The following NTNG1 variants were observed in gnomAD, a reference collection of about 807,000 sequenced individuals.
NTNG1 encodes the protein netrin G1.
In NTNG1, 16 loss-of-function variants were observed where a neutral mutation model predicts 54.0. The ratio of observed to expected loss-of-function variants is 0.30; its 90% CI spans 0.20 to 0.45. NTNG1 has a LOEUF of 0.45. NTNG1 is among the 20% of genes least tolerant of loss of function. The probability of loss-of-function intolerance (pLI) is 1.00; values close to 1 mark genes in which losing one functional copy is unlikely to be tolerated. For synonymous variants in NTNG1, 255 were observed against 263.1 expected, an observed-to-expected ratio of 0.97 and a Z score of 0.30; for missense variants, 530 against 678.7, an observed-to-expected ratio of 0.78 and a Z score of 2.43.
intron 3 of NTNG1, among the ~76,000 whole-genome samples, chr1:107,348,230 A>G (rs188744755): frequency 6.6e-6 from 1 of 152,096 alleles, no homozygotes; most frequent in East Asian, 1.9e-4. Context: ...GGTTCAAGCA[A>G]TTATTCTGCC....
intron 3 of NTNG1, among the ~76,000 whole-genome samples, chr1:107,386,103 ATATACACATATATATACT>A (rs1671957638): frequency 1.4e-5 from 2 of 147,076 alleles, no homozygotes; most frequent in African/African-American, 4.9e-5. Flanking sequence ...ATGTATATAT[ATATACACATATATATACT>A]TATATGTATG....
intron 1 of NTNG1, 68 bp from the exon 2 acceptor site, chr1:107,148,001 A>C (rs1197368314): frequency 1.3e-5 from 2 of 152,596 alleles, no homozygotes; most frequent in African/African-American, 4.8e-5. Flanking sequence ...CCAAAATGTC[A>C]ACATATTGTA....
rs113772618 is a variant in NTNG1 at position 107,234,657 on chromosome 1, C to A, written c.246+85818C>A. ...TGATACAGCCAAAAAATTACAGAAG[C>A]AATATTTGAATTTCTCTTCTTCCCA... On this transcript the variant is annotated intron_variant, in intron 2 of 7. Transcript: ENST00000370068. Among the ~76,000 whole-genome samples, 1,198 of 152,248 alleles carry A rather than the reference C, an allele frequency of 7.9e-3. 17 individuals carry two copies. The highest frequency in any genetic ancestry group is 0.027 in the African/African-American group (1,134 of 41,528).
At chr1:107,166,857 T>C (rs1655833646) in intron 2 of NTNG1, among the ~76,000 whole-genome samples, 1 of 152,166 alleles carries the variant, frequency 6.6e-6, no homozygotes, top group African/African-American at 2.4e-5. Context: ...ATACAATATC[T>C]ACATAACAGT....
intron 2 of NTNG1, among the ~76,000 whole-genome samples, chr1:107,153,489 A>G (rs1310853592): frequency 6.6e-6 from 1 of 152,174 alleles, no homozygotes. Flanking sequence ...TTATCCCTTA[A>G]TTATGCCAAA....
chr1:107,376,340 G>A (rs766816453), intron 3 of NTNG1, among the ~76,000 whole-genome samples: 11 of 151,882 alleles, frequency 7.2e-5, no homozygotes, highest in South Asian at 2.1e-4. Context: ...CCCGGGAGGC[G>A]GAGCTTACAG....
At chr1:107,153,511 A>G (rs917742380) in intron 2 of NTNG1, among the ~76,000 whole-genome samples, 2 of 152,214 alleles carry the variant, frequency 1.3e-5, no homozygotes, top group Non-Finnish European at 2.9e-5. Context: ...TGGAATTTTT[A>G]AAAACCTTCA....
chr1:107,263,941 A>G (rs1663550771), intron 2 of NTNG1, among the ~76,000 whole-genome samples: 1 of 152,038 alleles, frequency 6.6e-6, no homozygotes. Flanking sequence ...TCCTATCTTT[A>G]AAAAAAATGT....
At chr1:107,176,335 T>C (rs912139026) in intron 2 of NTNG1, among the ~76,000 whole-genome samples, 15 of 152,162 alleles carry the variant, frequency 9.9e-5, no homozygotes, top group Non-Finnish European at 1.9e-4. Flanking sequence ...AATAAAAATA[T>C]GCATTTTCAT....
rs1678744128 is a variant in NTNG1, at chr1:107,482,021, T to C, written c.*1181T>C. 2 of 138,620 alleles carry C rather than the reference T, an allele frequency of 1.4e-5. No homozygotes were observed. Among genetic ancestry groups the C allele is most frequent in the African/African-American group, 5.6e-5 (2 of 35,432 alleles). 8.6% of individuals were successfully genotyped at this position (138,620 alleles called of 1,614,324 possible). On this transcript the variant is annotated 3_prime_UTR_variant, in exon 8 of 8. Coordinates refer to ENST00000370068, the MANE Select transcript of NTNG1 (RefSeq NM_001113226.3). ...TAGCTTGGACAACTTCTGCAAAATA[T>C]GAGACTATTTCCACTTGGGAAAAAT...
At chr1:107,361,028 GTTC>G (rs1670229542) in intron 3 of NTNG1, among the ~76,000 whole-genome samples, 1 of 150,062 alleles carries the variant, frequency 6.7e-6, no homozygotes. Context: ...AGAAGAATCA[GTTC>G]TTATATTGCA....
At chr1:107,360,433 A>G (rs554074353) in intron 3 of NTNG1, among the ~76,000 whole-genome samples, 1 of 152,170 alleles carries the variant, frequency 6.6e-6, no homozygotes, top group African/African-American at 2.4e-5. Flanking sequence ...AGAGAAATAG[A>G]AAGTACAGTA....
chr1:107,459,185 A>G lies in NTNG1; in HGVS notation c.1391-21426A>G, dbSNP rs147835060. The stretch of plus-strand genomic sequence containing the variant: ...TGCTTTTCCTCTTTTGTAACTTTGC[A>G]AAGACATATATGCATATTGTTCAAA... On this transcript the variant is annotated intron_variant, in intron 7 of 7. Transcript: ENST00000370068. 4.2e-3 allele frequency among the ~76,000 whole-genome samples: 647 copies of G among 152,318 alleles called. 3 individuals are homozygous for G. The highest frequency in any genetic ancestry group is 0.01 in the Middle Eastern group (3 of 294).
intron 2 of NTNG1, among the ~76,000 whole-genome samples, chr1:107,315,973 TC>T (rs1667314821): frequency 6.6e-6 from 1 of 152,322 alleles, no homozygotes; most frequent in East Asian, 1.9e-4. Flanking sequence ...AAGCTGGAGA[TC>T]AACAAAAGTT....
At chr1:107,235,466 G>A (rs1357439836) in intron 2 of NTNG1, among the ~76,000 whole-genome samples, 2 of 152,128 alleles carry the variant, frequency 1.3e-5, no homozygotes, top group Non-Finnish European at 2.9e-5. Flanking sequence ...GCTAAACACT[G>A]AGTATAGACT....
At chr1:107,403,137 C>A (rs1319087520) in intron 4 of NTNG1, among the ~76,000 whole-genome samples, 1 of 152,062 alleles carries the variant, frequency 6.6e-6, no homozygotes, top group African/African-American at 2.4e-5. Context: ...AAGAAAACAT[C>A]ACATTATTAT....
At chr1:107,277,443 A>G (rs545126847) in intron 2 of NTNG1, among the ~76,000 whole-genome samples, 1 of 152,354 alleles carries the variant, frequency 6.6e-6, no homozygotes, top group South Asian at 2.1e-4. Flanking sequence ...CTCTCTTTAA[A>G]TAATGAAACT....
At chr1:107,252,396 G>A (rs1462635051) in intron 2 of NTNG1, among the ~76,000 whole-genome samples, 2 of 152,182 alleles carry the variant, frequency 1.3e-5, no homozygotes, top group East Asian at 3.8e-4. Flanking sequence ...ACCAGTGCAT[G>A]CAAGCTTAAT....
chr1:107,293,349 T>A (rs1398267756), intron 2 of NTNG1, among the ~76,000 whole-genome samples: 1 of 152,152 alleles, frequency 6.6e-6, no homozygotes, highest in African/African-American at 2.4e-5. Context: ...ACATATTGAT[T>A]CATATTCTAG....
Sources: gnomAD v4.1 joint callset for allele counts (sites outside exome capture counted in the v4.1 genomes callset) on GRCh38, gnomAD v4.1.1 for gene constraint, MANE v1.5 for transcripts, NCBI Gene and HGNC (gene_info 2026-07-23, HGNC 2026-07-21) for gene names.